The following FRMPD4 variants were observed in gnomAD, a reference collection of about 807,000 sequenced individuals.
FRMPD4 encodes the protein FERM and PDZ domain containing 4.
A neutral mutation model predicts 94.1 loss-of-function variants in FRMPD4; 22 were observed. That is an observed-to-expected ratio of 0.23 (90% CI 0.17 to 0.33). FRMPD4 has a LOEUF of 0.33. Ranked by LOEUF, FRMPD4 falls within the 10% of genes least tolerant of loss-of-function variation. FRMPD4 has a pLI of 1.00. For synonymous variants in FRMPD4, 631 were observed against 548.6 expected (o/e 1.15, Z -2.10); for missense variants, 1,111 against 1,339.9 (o/e 0.83, Z 2.67).
At chrX:12,161,696 T>C (rs1485366140) in intron 1 of FRMPD4, among the ~76,000 whole-genome samples, 2 of 111,988 alleles carry the variant, frequency 1.8e-5, no homozygotes, top group Non-Finnish European at 3.8e-5. Context: ...GCCACTAGGA[T>C]ATGCTGTAAT....
chrX:12,073,084 C>A, intron 3 of FRMPD4, among the ~76,000 whole-genome samples: 1 of 111,345 alleles, frequency 9.0e-6, no homozygotes, highest in African/African-American at 3.3e-5. Flanking sequence ...ACATGTAGGT[C>A]TATTTTTTTA....
chrX:12,318,346 T>C (rs899384859), intron 1 of FRMPD4, among the ~76,000 whole-genome samples: 1 of 111,845 alleles, frequency 8.9e-6, no homozygotes, highest in African/African-American at 3.3e-5. Context: ...GGCAACACAG[T>C]GAGACACTGT....
intron 3 of FRMPD4, among the ~76,000 whole-genome samples, chrX:11,886,460 A>G (rs1481108780): frequency 9.0e-6 from 1 of 111,658 alleles, no homozygotes; most frequent in Non-Finnish European, 1.9e-5. Flanking sequence ...GCAATTCAAT[A>G]TGTACCTGAA....
chrX:11,897,751 C>A (rs1430420086), intron 3 of FRMPD4, among the ~76,000 whole-genome samples: 4 of 112,016 alleles, frequency 3.6e-5, no homozygotes, highest in African/African-American at 1.3e-4. Context: ...AGTCGAAAAA[C>A]CTCCTACAGT....
chrX:12,560,731 C>T (rs2058647107), intron 2 of FRMPD4, among the ~76,000 whole-genome samples: 1 of 87,040 alleles, frequency 1.1e-5, no homozygotes, highest in Non-Finnish European at 2.2e-5. Flanking sequence ...AGTGTATGCA[C>T]CTCCCCTCAT....
chrX:12,713,088 G>GAA (rs775657133), intron 14 of FRMPD4, among the ~76,000 whole-genome samples: 5,259 of 97,661 alleles, frequency 0.054, 362 homozygotes, highest in African/African-American at 0.18. Context: ...GTGTCTAAAA[G>GAA]AAAAAAAAAA....
At chrX:12,441,432 CATTT>C (rs2057134943) in intron 1 of FRMPD4, among the ~76,000 whole-genome samples, 2 of 111,593 alleles carry the variant, frequency 1.8e-5, no homozygotes, top group South Asian at 7.5e-4. Context: ...ATAATTTATT[CATTT>C]GTTTGTTTTT....
At chrX:12,544,867 C>T (rs980722572) in intron 2 of FRMPD4, among the ~76,000 whole-genome samples, 2 of 111,726 alleles carry the variant, frequency 1.8e-5, no homozygotes, top group African/African-American at 6.5e-5. Context: ...ATACAATACC[C>T]AATCCTTTCT....
At chrX:11,877,786 T>C (rs1312060520) in intron 2 of FRMPD4, among the ~76,000 whole-genome samples, 1 of 112,196 alleles carries the variant, frequency 8.9e-6, no homozygotes, top group Non-Finnish European at 1.9e-5. Context: ...CCTCTCAGCA[T>C]CGATTCCTCC....
chrX:11,996,260 A>G (rs2054495821), intron 3 of FRMPD4, among the ~76,000 whole-genome samples: 1 of 112,541 alleles, frequency 8.9e-6, no homozygotes, highest in Admixed American at 9.4e-5. Flanking sequence ...GGGAAAATTA[A>G]GAAAACATTG....
intron 3 of FRMPD4, among the ~76,000 whole-genome samples, chrX:11,901,092 T>G (rs2053934703): frequency 8.9e-6 from 1 of 111,808 alleles, no homozygotes; most frequent in Non-Finnish European, 1.9e-5. Context: ...TGTCCCTAAT[T>G]TGTGTGCTTG....
chrX:12,267,291 C>T (rs1168699972), intron 1 of FRMPD4, among the ~76,000 whole-genome samples: 3 of 112,027 alleles, frequency 2.7e-5, no homozygotes, highest in African/African-American at 9.7e-5. Flanking sequence ...TCAAAAGCAC[C>T]TTGTCATTTT....
chrX:12,676,658 T>A (rs185206553), intron 5 of FRMPD4, among the ~76,000 whole-genome samples: 1 of 112,660 alleles, frequency 8.9e-6, no homozygotes, highest in East Asian at 2.8e-4. Context: ...TTTATGGTTG[T>A]GTCTTGTGGC....
intron 1 of FRMPD4, among the ~76,000 whole-genome samples, chrX:12,164,983 C>T (rs76031597): frequency 3.7e-5 from 4 of 108,419 alleles, no homozygotes; most frequent in African/African-American, 1.0e-4. Flanking sequence ...CAAAAATTTT[C>T]TCCCATTCTG....
chrX:11,913,691 T>C (rs1221089724), intron 3 of FRMPD4, among the ~76,000 whole-genome samples: 2 of 89,440 alleles, frequency 2.2e-5, no homozygotes, highest in South Asian at 5.8e-4. Context: ...GAATTAAATT[T>C]TTAAATATCA....
intron 3 of FRMPD4, among the ~76,000 whole-genome samples, chrX:11,981,718 T>C (rs1251115111): frequency 1.8e-5 from 2 of 111,750 alleles, no homozygotes; most frequent in Admixed American, 9.5e-5. Context: ...CATTTTTGTG[T>C]TATTCTTTTT....
intron 1 of FRMPD4, among the ~76,000 whole-genome samples, chrX:11,845,164 A>T (rs1032864406): frequency 2.7e-5 from 3 of 112,201 alleles, no homozygotes; most frequent in Non-Finnish European, 5.6e-5. Flanking sequence ...TTTTTTGCTA[A>T]ATCTGGCTTC....
At chrX:11,859,727 TTTTGTTTG>T (rs745642900) in intron 1 of FRMPD4, among the ~76,000 whole-genome samples, 1 of 111,986 alleles carries the variant, frequency 8.9e-6, no homozygotes, top group Non-Finnish European at 1.9e-5. Flanking sequence ...TGCTTCTGTT[TTTTGTTTG>T]TTTGTTTGTT....
chrX:12,400,952 A>T (rs2056601818), intron 1 of FRMPD4, among the ~76,000 whole-genome samples: 1 of 112,186 alleles, frequency 8.9e-6, no homozygotes, highest in Non-Finnish European at 1.9e-5. Context: ...TGTAATAAGA[A>T]CATAGTAACT....
Sources: allele counts gnomAD v4.1 joint callset (sites outside exome capture counted in the v4.1 genomes callset), GRCh38; gene constraint gnomAD v4.1.1; transcripts MANE v1.5; gene names NCBI Gene and HGNC (gene_info 2026-07-23, HGNC 2026-07-21).